CLASP2: variants seen among roughly 807,000 people sequenced by gnomAD.
The protein encoded by CLASP2 is CLIP-associating protein 2.
A neutral mutation model predicts 194.4 loss-of-function variants in CLASP2; 47 were observed. That is an observed-to-expected ratio of 0.24 (90% confidence interval 0.19 to 0.31). The LOEUF (loss-of-function observed/expected upper bound fraction) is 0.31, where lower values mean the gene tolerates loss of function less well. Ranked by LOEUF, CLASP2 falls within the 10% of genes least tolerant of loss-of-function variation. CLASP2 has a pLI of 1.00. For synonymous variants in CLASP2, 619 were observed against 633.5 expected (o/e 0.98, Z 0.34); for missense variants, 1,445 against 1,823.6 (o/e 0.79, Z 3.78).
At chr3:33,628,731 C>T (rs1013319729) in intron 9 of CLASP2, among the ~76,000 whole-genome samples, 1 of 151,946 alleles carries the variant, frequency 6.6e-6, no homozygotes, top group South Asian at 2.1e-4. Flanking sequence ...GTTAAAATCT[C>T]GGCATTATCT....
At chr3:33,627,406 C>G (rs565966653) in intron 9 of CLASP2, among the ~76,000 whole-genome samples, 2 of 152,086 alleles carry the variant, frequency 1.3e-5, no homozygotes, top group Admixed American at 1.3e-4. Context: ...AAGTGTATAA[C>G]CTATCTTATT....
In CLASP2 at chr3:33,573,198, G is replaced by A. The variant is rs1386850200; in HGVS notation, c.2611C>T (p.Leu871Phe). The change falls in exon 25 of 39, where the codon CTC (leucine) becomes TTC (phenylalanine). Residue 871 changes from leucine (L) to phenylalanine (F), a missense_variant. This residue lies in a region of CLASP2 where 732 missense variants were observed against 987.9 expected (regional missense o/e 0.74). Coordinates refer to ENST00000682230, the MANE Select transcript of CLASP2 (RefSeq NM_001365631.1). ...MRQTEDVAEVLNRCASSNWSE... is the reference protein window; with the variant it reads ...MRQTEDVAEVFNRCASSNWSE... ...CAATTGGAACTAGCACATCTATTGA[G>A]GACTTCTGCCACATCTTCCGTCTGC... is the stretch of plus-strand genomic sequence containing the variant. The A allele has an allele frequency of 6.2e-7, 1 of 1,613,818 alleles. No individual in the cohort carries two copies. Among genetic ancestry groups the A allele is most frequent in the Admixed American group, 1.7e-5 (1 of 60,022 alleles).
intron 21 of CLASP2, among the ~76,000 whole-genome samples, chr3:33,587,415 C>A (rs573675678): frequency 6.6e-6 from 1 of 152,138 alleles, no homozygotes; most frequent in Non-Finnish European, 1.5e-5. Flanking sequence ...TGAGCCACCG[C>A]ACCCGGCCGA....
intron 1 of CLASP2, among the ~76,000 whole-genome samples, chr3:33,715,694 T>C (rs1244111679): frequency 1.3e-5 from 2 of 152,120 alleles, no homozygotes; most frequent in Non-Finnish European, 2.9e-5. Flanking sequence ...CAATGACTGT[T>C]AAGACACTCA....
At chr3:33,594,809 T>A in intron 20 of CLASP2, 142 bp downstream of exon 20, 1 of 422,526 alleles carries the variant, frequency 2.4e-6, no homozygotes. Context: ...CAACCAAATA[T>A]GAAATGTAGA....
chr3:33,543,752 C>T (rs1237892361), intron 31 of CLASP2, among the ~76,000 whole-genome samples: 2 of 152,160 alleles, frequency 1.3e-5, no homozygotes, highest in African/African-American at 2.4e-5. Flanking sequence ...TCTGTTCTCA[C>T]CTGCTTCCTG....
rs370917264 is a variant in CLASP2 at position 33,688,391 on chromosome 3, C to T, written c.379-23G>A. The T allele has an allele frequency of 3.9e-5, 59 of 1,511,642 alleles. No individual in the cohort carries two copies. The African/African-American group carries it at 5.7e-4, about 15-fold the overall frequency. The allele number at this position is 1,511,642 out of a possible 1,614,324, so 93.6% of individuals were successfully genotyped here. On this transcript the variant is annotated intron_variant, in intron 3 of 38. Transcript: ENST00000682230. ...GTACTATTTGAAAGAAAAGTAAAAA[C>T]GTATAACAAAAAACTAAATTATTCA...
At chr3:33,545,023 C>CT (rs879492911) in intron 30 of CLASP2, 182 bp from the exon 31 acceptor site, 26,856 of 342,414 alleles carry the variant, frequency 0.078, no homozygotes, top group Middle Eastern at 0.1. Context: ...ATTGACCTAC[C>CT]TTTTTTTTTT....
chr3:33,605,013 T>C (rs990558967), intron 16 of CLASP2, among the ~76,000 whole-genome samples: 5 of 152,230 alleles, frequency 3.3e-5, no homozygotes, highest in African/African-American at 9.6e-5. Flanking sequence ...CTCCCAAAAT[T>C]GTTATTCTCT....
Position 33,624,329 on chromosome 3 carries a change from T to C in CLASP2, c.1036-2049A>G, listed in dbSNP as rs1205905050. 2.6e-5 allele frequency among the ~76,000 whole-genome samples: 4 copies of C among 152,046 alleles called. No homozygotes were observed. In the East Asian group the frequency reaches 7.7e-4, roughly 29 times the overall value. ...GAAAAAAAATCAAAAGAATATTATA[T>C]AATCTTGGGCATATAAGGAAGGGAA... On this transcript the variant is annotated intron_variant, in intron 10 of 38. Coordinates refer to ENST00000682230, the MANE Select transcript of CLASP2 (RefSeq NM_001365631.1).
chr3:33,692,446 T>C (rs2091456252), intron 2 of CLASP2, among the ~76,000 whole-genome samples: 1 of 152,190 alleles, frequency 6.6e-6, no homozygotes, highest in Non-Finnish European at 1.5e-5. Flanking sequence ...TCACATTACA[T>C]AAAATTATTA....
At chr3:33,699,988 C>A in intron 1 of CLASP2, among the ~76,000 whole-genome samples, 1 of 148,682 alleles carries the variant, frequency 6.7e-6, no homozygotes, top group African/African-American at 2.5e-5. Context: ...TTCAAACAAA[C>A]AAAATCTAAT....
At chr3:33,577,735 G>A (rs1195965839) in intron 23 of CLASP2, among the ~76,000 whole-genome samples, 1 of 152,096 alleles carries the variant, frequency 6.6e-6, no homozygotes, top group African/African-American at 2.4e-5. Flanking sequence ...CAAGGTGATG[G>A]TATTAGGAGA....
intron 2 of CLASP2, 104 bp downstream of exon 2, chr3:33,696,751 A>C: frequency 1.2e-6 from 1 of 846,964 alleles, no homozygotes; most frequent in South Asian, 1.6e-5. Context: ...CAGAAATTAC[A>C]TTTTTTTAAT....
At chr3:33,681,570 A>C (rs2089863517) in intron 6 of CLASP2, among the ~76,000 whole-genome samples, 1 of 152,204 alleles carries the variant, frequency 6.6e-6, no homozygotes, top group South Asian at 2.1e-4. Flanking sequence ...GAATTGGCAA[A>C]CTCCAGAATG....
intron 8 of CLASP2, among the ~76,000 whole-genome samples, chr3:33,632,935 T>C (rs2079373702): frequency 6.6e-6 from 1 of 152,214 alleles, no homozygotes; most frequent in African/African-American, 2.4e-5. Flanking sequence ...ATACACTGCT[T>C]TAAGATGCTG....
At chr3:33,571,648 C>A (rs1413680121) in intron 25 of CLASP2, among the ~76,000 whole-genome samples, 37 of 148,862 alleles carry the variant, frequency 2.5e-4, no homozygotes, top group Admixed American at 6.0e-4. Context: ...AAAAAAAAAA[C>A]CAAAAAAACA....
At chr3:33,707,244 T>C (rs2092729485) in intron 1 of CLASP2, among the ~76,000 whole-genome samples, 1 of 152,164 alleles carries the variant, frequency 6.6e-6, no homozygotes, top group African/African-American at 2.4e-5. Flanking sequence ...TCAAAAAGGA[T>C]AGTAACTGCA....
At chr3:33,698,509 A>C (rs1159268887) in intron 1 of CLASP2, among the ~76,000 whole-genome samples, 2 of 152,190 alleles carry the variant, frequency 1.3e-5, no homozygotes, top group African/African-American at 4.8e-5. Context: ...GCAGTCTACC[A>C]GTGGGGAAGG....
Sources: gnomAD v4.1 joint callset for allele counts (sites outside exome capture counted in the v4.1 genomes callset) on GRCh38, gnomAD v4.1.1 for gene constraint, gnomAD v4.1.1 regional missense constraint, MANE v1.5 for transcripts, NCBI Gene and HGNC (gene_info 2026-07-23, HGNC 2026-07-21) for gene names.